The following SCN7A variants were observed in gnomAD, a reference collection of about 807,000 sequenced individuals.
SCN7A encodes sodium channel protein type 7 subunit alpha.
Under a neutral mutation model 155.2 loss-of-function variants are expected in SCN7A, and 138 were observed. The observed-to-expected ratio is 0.89, with a 90% CI of 0.77 to 1.02. SCN7A has a LOEUF of 1.02. Among genes scored for constraint, SCN7A ranks in the 50% least tolerant of loss-of-function variants. SCN7A has a pLI of 0.00. For missense variants in SCN7A, 2,058 were observed against 1,986.6 expected, an observed-to-expected ratio of 1.04 and a Z score of -0.68; for synonymous variants, 693 against 649.0, an observed-to-expected ratio of 1.07 and a Z score of -1.03.
chr2:166,415,154 T>A (rs988065337), intron 21 of SCN7A, among the ~76,000 whole-genome samples: 1 of 149,570 alleles, frequency 6.7e-6, no homozygotes, highest in Non-Finnish European at 1.5e-5. Flanking sequence ...CTGTATTTCC[T>A]CTGTTAAATT....
chr2:166,465,393 C>T lies in SCN7A; in HGVS notation c.941+69G>A, dbSNP rs530740536. 1.1e-5 allele frequency: 12 copies of T among 1,064,002 alleles called. No individual in the cohort carries two copies. In the South Asian group the frequency reaches 1.7e-4, roughly 15 times the overall value. 65.9% of individuals were successfully genotyped at this position (1,064,002 alleles called of 1,614,324 possible). A position where few individuals can be genotyped will look rare whatever the true frequency, so the allele number is the denominator to read the frequency against. ...ATCAAATGGGAAGCAACAGTAAAAGCAATAGTCCTTCATTAAATACTATTG... is the reference window on the plus strand; with the variant it reads ...ATCAAATGGGAAGCAACAGTAAAAGTAATAGTCCTTCATTAAATACTATTG... On this transcript the variant is annotated intron_variant, in intron 9 of 25. Transcript: ENST00000643258.
At chr2:166,426,110 C>G (rs79239728) in intron 18 of SCN7A, among the ~76,000 whole-genome samples, 2 of 152,074 alleles carry the variant, frequency 1.3e-5, no homozygotes, top group African/African-American at 4.8e-5. Context: ...GAAAGAGATA[C>G]AACGCCTGGT....
intron 16 of SCN7A, 138 bp from the exon 17 acceptor site, chr2:166,429,412 AT>A: frequency 1.7e-6 from 1 of 602,098 alleles, no homozygotes; most frequent in Non-Finnish European, 2.9e-6. Context: ...CTTAAGGCCA[AT>A]TTCATGACTG....
At chr2:166,482,462 C>T (rs1244655008) in intron 2 of SCN7A, among the ~76,000 whole-genome samples, 2 of 151,794 alleles carry the variant, frequency 1.3e-5, no homozygotes, top group Non-Finnish European at 2.9e-5. Context: ...CTTCATTTTG[C>T]CACCCCCCAG....
chr2:166,408,089 CCA>C (rs1394115920), intron 25 of SCN7A, among the ~76,000 whole-genome samples: 1 of 152,002 alleles, frequency 6.6e-6, no homozygotes, highest in African/African-American at 2.4e-5. Flanking sequence ...CTTCCCCACT[CCA>C]CTTTCCTCAG....
At chr2:166,492,408 C>A (rs762701699) in intron 1 of SCN7A, among the ~76,000 whole-genome samples, 1 of 152,096 alleles carries the variant, frequency 6.6e-6, no homozygotes, top group Non-Finnish European at 1.5e-5. Context: ...TGTTAAGTAA[C>A]GGGCCAAATA....
At chr2:166,453,508 A>G (rs1280649096) in intron 11 of SCN7A, among the ~76,000 whole-genome samples, 3 of 152,218 alleles carry the variant, frequency 2.0e-5, no homozygotes, top group African/African-American at 4.8e-5. Context: ...GTTGCTTAGT[A>G]TAGTGTAAGC....
At chr2:166,490,745 C>G (rs1559133487) in intron 1 of SCN7A, among the ~76,000 whole-genome samples, 1 of 152,120 alleles carries the variant, frequency 6.6e-6, no homozygotes, top group Non-Finnish European at 1.5e-5. Context: ...GGCTATTTAC[C>G]TCTGCTTCTG....
In SCN7A at chr2:166,414,273, T is replaced by C. The variant is rs991866113; in HGVS notation, c.3415-1152A>G. ...ATATATAGATATATATACACACACA[T>C]ATATATATATATACACACACATATA... On this transcript the variant is annotated intron_variant, in intron 21 of 25. Coordinates refer to ENST00000643258, the MANE Select transcript of SCN7A (RefSeq NM_002976.4). Among the ~76,000 whole-genome samples the C allele has an allele frequency of 3.3e-3, 177 of 53,174 alleles. 8 individuals are homozygous for C. In the East Asian group the frequency reaches 0.071, roughly 21 times the overall value. The allele number at this position is 53,174 out of a possible 152,430, so 34.9% of individuals were successfully genotyped here.
At chr2:166,476,684 C>T (rs1702804847) in intron 3 of SCN7A, among the ~76,000 whole-genome samples, 2 of 151,980 alleles carry the variant, frequency 1.3e-5, no homozygotes, top group South Asian at 2.1e-4. Flanking sequence ...CATATTAAAT[C>T]CATGTTGATA....
intron 1 of SCN7A, among the ~76,000 whole-genome samples, chr2:166,489,845 C>T (rs1368643527): frequency 6.6e-6 from 1 of 152,134 alleles, no homozygotes; most frequent in Non-Finnish European, 1.5e-5. Flanking sequence ...TTTCAGCCAA[C>T]AAATTCCTAG....
intron 11 of SCN7A, 37 bp from the exon 12 acceptor site, chr2:166,447,745 G>A (rs779023013): frequency 4.0e-5 from 56 of 1,414,388 alleles, no homozygotes; most frequent in Non-Finnish European, 5.2e-5. Context: ...CTGGCTTCCT[G>A]TCTTTGCAGG....
intron 21 of SCN7A, among the ~76,000 whole-genome samples, chr2:166,414,166 TA>T (rs1701287232): frequency 1.8e-5 from 1 of 55,928 alleles, no homozygotes; most frequent in South Asian, 4.7e-4. Flanking sequence ...TATAATATAT[TA>T]TATATATGTA....
In SCN7A at chr2:166,465,863, C is replaced by G; in HGVS notation, c.789G>C (p.Leu263Phe). The change falls in exon 8 of 26, where the codon TTG becomes TTC. Residue 263 changes from leucine (L) to phenylalanine (F), a missense_variant. By Grantham distance (22) the Leu-to-Phe change is conservative. Coordinates refer to ENST00000643258, the MANE Select transcript of SCN7A (RefSeq NM_002976.4). ...LIGMGLFMGN[L>F]KHKCFRWPQE... is the part of the protein sequence containing the mutation. ...GGGGCCATCGAAAACATTTATGTTT[C>G]AAGTTGCCCATGAAGAGCCCCATCC... 1 of 1,613,836 alleles carries G rather than the reference C, an allele frequency of 6.2e-7. No individual in the cohort carries two copies. Among genetic ancestry groups the G allele is most frequent in the Non-Finnish European group, 8.5e-7 (1 of 1,179,840 alleles).
chr2:166,468,679 A>T (rs1340138941), intron 7 of SCN7A, among the ~76,000 whole-genome samples: 1 of 151,494 alleles, frequency 6.6e-6, no homozygotes, highest in East Asian at 2.0e-4. Context: ...TTTCATTTTC[A>T]TACTTACTTT....
chr2:166,422,766 C>G, intron 19 of SCN7A, among the ~76,000 whole-genome samples: 1 of 152,104 alleles, frequency 6.6e-6, no homozygotes, highest in Non-Finnish European at 1.5e-5. Context: ...AGCTGACTTC[C>G]ATTTCACAAC....
Position 166,429,272 on chromosome 2 carries a change from T to G in SCN7A, c.2595A>C (p.Lys865Asn). 6.6e-7 allele frequency: 1 copy of G among 1,520,556 alleles called. No homozygotes were observed. Among genetic ancestry groups the G allele is most frequent in the Non-Finnish European group, 8.8e-7 (1 of 1,130,158 alleles). 94.2% of individuals were successfully genotyped at this position (1,520,556 alleles called of 1,614,324 possible). A position where few individuals can be genotyped will look rare whatever the true frequency, so the allele number is the denominator to read the frequency against. The change falls in exon 17 of 26, where the codon AAA (lysine) becomes AAC (asparagine). Residue 865 changes from lysine to asparagine, a missense_variant and splice_region_variant. By Grantham distance (94) the Lys-to-Asn change is moderately conservative (BLOSUM62 0). Transcript: ENST00000643258. ...SKSGDGGSKE[K>N]IKQSSSSECS... ...ATTCAGATGAGCTAGATTGCTTTATTTTCTAAAAGGTGAAGTCCCACCAAA... is the reference window on the plus strand; with the variant it reads ...ATTCAGATGAGCTAGATTGCTTTATGTTCTAAAAGGTGAAGTCCCACCAAA...
At chr2:166,463,999 T>G (rs528688190) in intron 9 of SCN7A, among the ~76,000 whole-genome samples, 21 of 151,888 alleles carry the variant, frequency 1.4e-4, no homozygotes, top group African/African-American at 5.1e-4. Context: ...GAGGTTACAA[T>G]GAGCACAGAT....
chr2:166,482,756 G>A (rs61027107), intron 2 of SCN7A, among the ~76,000 whole-genome samples: 1,713 of 132,214 alleles, frequency 0.013, 43 homozygotes, highest in African/African-American at 0.049. Context: ...TGCCTTCTGC[G>A]ATACTGCAAA....
Sources: allele counts gnomAD v4.1 joint callset (sites outside exome capture counted in the v4.1 genomes callset), GRCh38; gene constraint gnomAD v4.1.1; transcripts MANE v1.5; gene names NCBI Gene and HGNC (gene_info 2026-07-23, HGNC 2026-07-21).